The following KCNIP1 variants were observed in gnomAD, a reference collection of about 807,000 sequenced individuals.
The protein encoded by KCNIP1 is A-type potassium channel modulatory protein KCNIP1.
In KCNIP1, 18 loss-of-function variants were observed where a neutral mutation model predicts 33.0. The ratio of observed to expected loss-of-function variants is 0.55; its 90% CI spans 0.38 to 0.81. The LOEUF is 0.81. Among genes scored for constraint, KCNIP1 ranks in the 30% least tolerant of loss-of-function variants. The pLI, the probability that KCNIP1 is intolerant of heterozygous loss-of-function variation, is 0.00. For missense variants in KCNIP1, 238 were observed against 271.6 expected (o/e 0.88, Z 0.87); for synonymous variants, 93 against 98.3 (o/e 0.95, Z 0.32).
chr5:170,478,482 C>T (rs1756905305), intron 1 of KCNIP1, among the ~76,000 whole-genome samples: 1 of 144,054 alleles, frequency 6.9e-6, no homozygotes, highest in Non-Finnish European at 1.5e-5. Context: ...CTCGGGCTGC[C>T]ATCCTCACAA....
At chr5:170,676,707 G>T (rs987750967) in intron 1 of KCNIP1, among the ~76,000 whole-genome samples, 1 of 152,176 alleles carries the variant, frequency 6.6e-6, no homozygotes, top group African/African-American at 2.4e-5. Context: ...ATGTCACACT[G>T]CACATGTGTT....
Position 170,489,676 on chromosome 5 carries a change from C to T in KCNIP1, c.88+135712C>T, listed in dbSNP as rs1757169247. Among the ~76,000 whole-genome samples the T allele has an allele frequency of 6.6e-6, 1 of 152,224 alleles. No individual in the cohort carries two copies. Among genetic ancestry groups the T allele is most frequent in the African/African-American group, 2.4e-5 (1 of 41,452 alleles). On this transcript the variant is annotated intron_variant, in intron 1 of 7. Transcript: ENST00000377360. This position sits in a 1 kb window ranked among gnomAD's most constrained non-coding sequence, Gnocchi z 4.3. The stretch of plus-strand genomic sequence containing the variant: ...TTGAAAGGTAGCAATCACTCATACT[C>T]CTCTCCCATGAACAATTTGAGAAAA...
At chr5:170,355,759 T>C (rs1042984956) in intron 1 of KCNIP1, among the ~76,000 whole-genome samples, 1 of 152,206 alleles carries the variant, frequency 6.6e-6, no homozygotes, top group Non-Finnish European at 1.5e-5. Context: ...CCTCCCTCTC[T>C]CTGCTCAGAA....
chr5:170,719,074 T>A (rs563056666), intron 2 of KCNIP1, among the ~76,000 whole-genome samples, 192 bp downstream of exon 2: 27 of 152,002 alleles, frequency 1.8e-4, no homozygotes, highest in African/African-American at 6.0e-4. Flanking sequence ...TGGAGCAACC[T>A]CAGGAGACAG....
At chr5:170,530,456 C>A (rs1180354727) in intron 1 of KCNIP1, among the ~76,000 whole-genome samples, 1 of 152,196 alleles carries the variant, frequency 6.6e-6, no homozygotes, top group Non-Finnish European at 1.5e-5. Context: ...CAAAGTCTTG[C>A]ATATAATGTA....
intron 1 of KCNIP1, among the ~76,000 whole-genome samples, chr5:170,448,837 C>G (rs1331339727): frequency 2.0e-5 from 3 of 152,132 alleles, no homozygotes; most frequent in Non-Finnish European, 4.4e-5. Flanking sequence ...TACCAAATGC[C>G]TAACAGACAC....
chr5:170,465,707 C>G (rs1477469383), intron 1 of KCNIP1, among the ~76,000 whole-genome samples: 1 of 152,126 alleles, frequency 6.6e-6, no homozygotes, highest in Non-Finnish European at 1.5e-5. Flanking sequence ...TGCTCTGAAC[C>G]TTATCTGGGT....
intron 1 of KCNIP1, among the ~76,000 whole-genome samples, chr5:170,543,466 G>A (rs1354505059): frequency 1.3e-5 from 2 of 152,184 alleles, no homozygotes; most frequent in Non-Finnish European, 2.9e-5. Context: ...AGTGTCAAAT[G>A]AGTTAATTTT....
At chr5:170,386,934 C>T (rs1055157230) in intron 1 of KCNIP1, among the ~76,000 whole-genome samples, 6 of 152,222 alleles carry the variant, frequency 3.9e-5, no homozygotes, top group East Asian at 1.9e-4. Flanking sequence ...CCCTGCTAGG[C>T]TCCTGATCGC....
intron 1 of KCNIP1, chr5:170,681,325 C>T: frequency 2.6e-6 from 1 of 387,904 alleles, no homozygotes; most frequent in Non-Finnish European, 4.6e-6. Flanking sequence ...GGTATTGGTC[C>T]CCGCCTCCCC....
At chr5:170,509,903 A>T (rs138964598) in intron 1 of KCNIP1, among the ~76,000 whole-genome samples, 102 of 152,358 alleles carry the variant, frequency 6.7e-4, no homozygotes, top group African/African-American at 2.3e-3. Flanking sequence ...ACTGACTCAC[A>T]GTGATTCCCC....
At chr5:170,722,247 C>A (rs544219376) in intron 4 of KCNIP1, among the ~76,000 whole-genome samples, 1 of 152,168 alleles carries the variant, frequency 6.6e-6, no homozygotes, top group East Asian at 1.9e-4. Context: ...TATTGATTAC[C>A]TTTTTACAGA....
chr5:170,526,793 G>A (rs1755590211), intron 1 of KCNIP1, among the ~76,000 whole-genome samples: 1 of 147,496 alleles, frequency 6.8e-6, no homozygotes. Context: ...CGCGATCTCA[G>A]CTCAGGGCAA....
At chr5:170,535,811 C>T (rs1755962217) in intron 1 of KCNIP1, among the ~76,000 whole-genome samples, 1 of 152,188 alleles carries the variant, frequency 6.6e-6, no homozygotes, top group Non-Finnish European at 1.5e-5. Flanking sequence ...TCTGATTGCT[C>T]ATCTCCAGAC....
intron 1 of KCNIP1, among the ~76,000 whole-genome samples, chr5:170,710,933 G>T (rs1763423071): frequency 6.6e-6 from 1 of 152,184 alleles, no homozygotes; most frequent in African/African-American, 2.4e-5. Flanking sequence ...TGTCAACACT[G>T]TTTTGAAATG....
intron 1 of KCNIP1, among the ~76,000 whole-genome samples, chr5:170,473,968 T>A (rs1756793882): frequency 6.6e-6 from 1 of 152,196 alleles, no homozygotes; most frequent in African/African-American, 2.4e-5. Context: ...TAGACTGCGT[T>A]GGGCGTCAGG....
At chr5:170,591,577 A>G (rs1758263630) in intron 1 of KCNIP1, among the ~76,000 whole-genome samples, 1 of 152,136 alleles carries the variant, frequency 6.6e-6, no homozygotes, top group East Asian at 1.9e-4. Context: ...TGCAAAACCA[A>G]AACTCTGTAC....
intron 1 of KCNIP1, among the ~76,000 whole-genome samples, chr5:170,714,024 TAA>T (rs71575594): frequency 9.5e-5 from 13 of 137,404 alleles, no homozygotes; most frequent in Admixed American, 1.5e-4. Flanking sequence ...AAATCCATCT[TAA>T]AAAAAAAAAA....
chr5:170,563,371 G>A (rs1757100154), intron 1 of KCNIP1, among the ~76,000 whole-genome samples: 1 of 152,146 alleles, frequency 6.6e-6, no homozygotes, highest in Non-Finnish European at 1.5e-5. Flanking sequence ...CTGGACTCGG[G>A]CCCACAATCC....
Sources: allele counts gnomAD v4.1 joint callset (sites outside exome capture counted in the v4.1 genomes callset), GRCh38; gene constraint gnomAD v4.1.1; non-coding constraint Gnocchi (gnomAD v3.1); transcripts MANE v1.5; gene names NCBI Gene and HGNC (gene_info 2026-07-23, HGNC 2026-07-21).